Variants in OPRM1 observed in about 807,000 individuals in gnomAD.
The protein encoded by OPRM1 is mu-type opioid receptor.
In OPRM1, 27 loss-of-function variants were observed where a neutral mutation model predicts 31.8. The observed-to-expected ratio is 0.85, with a 90% CI of 0.63 to 1.17. The LOEUF is 1.17. Among genes scored for constraint, OPRM1 ranks in the 50% most tolerant of loss-of-function variants. The probability of loss-of-function intolerance (pLI) is 0.00; values close to 1 mark genes in which losing one functional copy is unlikely to be tolerated. For missense variants in OPRM1, 536 were observed against 511.1 expected, an observed-to-expected ratio of 1.05 and a Z score of -0.47; for synonymous variants, 196 against 189.9, an observed-to-expected ratio of 1.03 and a Z score of -0.26.
intron 3 of OPRM1, among the ~76,000 whole-genome samples, chr6:154,141,311 C>A (rs1490516361): frequency 2.6e-5 from 4 of 152,166 alleles, no homozygotes; most frequent in African/African-American, 9.7e-5. Flanking sequence ...GGTTAGCTTA[C>A]CCCTAAGTCT....
At position 154,115,866 on chromosome 6, in the gene OPRM1, A is replaced by G. The variant is rs534422673; in HGVS notation, c.1165-2817A>G. Among the ~76,000 whole-genome samples, 12 of 152,296 alleles carry G rather than the reference A, an allele frequency of 7.9e-5. No homozygotes were observed. In the Middle Eastern group the frequency reaches 0.02, roughly 259 times the overall value. On this transcript the variant is annotated intron_variant, in intron 3 of 3. Transcript: ENST00000330432. The stretch of plus-strand genomic sequence containing the variant: ...CCTCCCTAGGGCCCACCGTCGCTAG[A>G]TATCTGGACTGAGTTTCTTTGGCGA...
At chr6:154,038,025 A>G (rs1169927764), upstream of OPRM1, among the ~76,000 whole-genome samples, 1 of 152,194 alleles carries the variant, frequency 6.6e-6, no homozygotes, top group East Asian at 1.9e-4. Flanking sequence ...GTAACATTTT[A>G]TTGTGTAAAT....
At chr6:154,035,810 G>T (rs2128390338), upstream of OPRM1, among the ~76,000 whole-genome samples, 1 of 152,188 alleles carries the variant, frequency 6.6e-6, no homozygotes, top group Middle Eastern at 3.4e-3. Context: ...CATGATATGG[G>T]TTTGATAGCA....
At chr6:154,076,384 CAACCT>C (rs920658824) in intron 1 of OPRM1, among the ~76,000 whole-genome samples, 4 of 152,140 alleles carry the variant, frequency 2.6e-5, no homozygotes, top group African/African-American at 9.7e-5. Flanking sequence ...GAGAAAAAGA[CAACCT>C]AATAAAAATG....
At chr6:154,101,372 T>C (rs1405414646) in intron 3 of OPRM1, among the ~76,000 whole-genome samples, 1 of 152,162 alleles carries the variant, frequency 6.6e-6, no homozygotes, top group Admixed American at 6.6e-5. Flanking sequence ...AAAAACGCTC[T>C]CCTTGAGCTA....
chr6:154,241,563 T>A (rs1583885371), intron 3 of OPRM1, among the ~76,000 whole-genome samples: 1 of 152,140 alleles, frequency 6.6e-6, no homozygotes, highest in Non-Finnish European at 1.5e-5. Context: ...TATTTTAGCC[T>A]CAAATTTTTT....
intron 3 of OPRM1, among the ~76,000 whole-genome samples, chr6:154,151,709 C>G (rs538742104): frequency 1.5e-4 from 23 of 152,114 alleles, no homozygotes; most frequent in Non-Finnish European, 2.5e-4. Flanking sequence ...GGGAATTTTG[C>G]TCCTTCCCTA....
intron 1 of OPRM1, among the ~76,000 whole-genome samples, chr6:154,084,819 C>T (rs1314729821): frequency 6.6e-6 from 1 of 151,896 alleles, no homozygotes; most frequent in East Asian, 1.9e-4. Context: ...AAAAATTAGC[C>T]CCAAAAGAGA....
chr6:154,139,128 C>A (rs12528415), intron 3 of OPRM1, among the ~76,000 whole-genome samples: 26,274 of 152,230 alleles, frequency 0.17, 2,739 homozygotes, highest in Non-Finnish European at 0.24. Context: ...AAACTCTGAC[C>A]TCTGGCTTGG....
intron 1 of OPRM1, among the ~76,000 whole-genome samples, chr6:154,014,339 A>G (rs1165814664): frequency 2.6e-5 from 4 of 152,206 alleles, no homozygotes; most frequent in Non-Finnish European, 5.9e-5. Context: ...AAGCCAGTTA[A>G]GGATTATGAG....
chr6:154,222,849 T>A, intron 3 of OPRM1: 1 of 333,146 alleles, frequency 3.0e-6, no homozygotes, highest in East Asian at 5.8e-5. Context: ...TGTTTTTTCT[T>A]TAGTAGAACC....
At chr6:154,185,029 T>C (rs1482283803) in intron 3 of OPRM1, among the ~76,000 whole-genome samples, 1 of 152,180 alleles carries the variant, frequency 6.6e-6, no homozygotes, top group Non-Finnish European at 1.5e-5. Context: ...AAAAAAATCA[T>C]CCTAAAGATT....
chr6:154,061,843 T>C (rs1200864129), intron 1 of OPRM1, among the ~76,000 whole-genome samples: 2 of 151,304 alleles, frequency 1.3e-5, no homozygotes, highest in African/African-American at 4.9e-5. Context: ...AAAAAAGGTG[T>C]TAAGGAAATG....
At position 154,124,446 on chromosome 6, in the gene OPRM1, A is replaced by G. The variant is rs947384015; in HGVS notation, c.*5725A>G. On this transcript the variant is annotated 3_prime_UTR_variant, in exon 4 of 4. Transcript: ENST00000330432. ...ACTTGAAATTGCACTTAAACTTTAC[A>G]AAATCACAGAAGAAGTTGTTTTCCA... is the stretch of plus-strand genomic sequence containing the variant. 6.6e-6 allele frequency among the ~76,000 whole-genome samples: 1 copy of G among 152,194 alleles called. No individual in the cohort carries two copies. The highest frequency in any genetic ancestry group is 6.5e-5 in the Admixed American group (1 of 15,280).
chr6:154,208,576 C>CAAGTATT (rs1777698832), intron 3 of OPRM1, among the ~76,000 whole-genome samples: 1 of 152,194 alleles, frequency 6.6e-6, no homozygotes, highest in Non-Finnish European at 1.5e-5. Context: ...ACTTTATTCA[C>CAAGTATT]TGATGTGTTC....
Position 154,086,393 on chromosome 6 carries a change from G to A in OPRM1, c.291-3433G>A, listed in dbSNP as rs149140192. 4.1e-4 allele frequency: 79 copies of A among 192,778 alleles called. 1 individual carries two copies. The highest frequency in any genetic ancestry group is 1.3e-3 in the African/African-American group (55 of 42,150). 11.9% of individuals were successfully genotyped at this position (192,778 alleles called of 1,614,324 possible). On this transcript the variant is annotated intron_variant, in intron 1 of 3. Coordinates refer to ENST00000330432, the MANE Select transcript of OPRM1 (RefSeq NM_000914.5). The stretch of plus-strand genomic sequence containing the variant: ...ACAGCATCATTCCTATAAAATGCCC[G>A]TTGAAAGAATTTTTATAGATAAATA...
intron 3 of OPRM1, among the ~76,000 whole-genome samples, chr6:154,209,381 T>C (rs186741347): frequency 2.9e-3 from 436 of 152,298 alleles, no homozygotes; most frequent in Non-Finnish European, 4.4e-3. Context: ...CTGAGTGCAG[T>C]GGCTTACGCT....
intron 3 of OPRM1, among the ~76,000 whole-genome samples, chr6:154,109,184 T>A (rs893659458): frequency 6.6e-6 from 1 of 152,316 alleles, no homozygotes; most frequent in Non-Finnish European, 1.5e-5. Context: ...TTGCTCATGA[T>A]TACCCTGGGA....
chr6:154,086,910 C>A, intron 1 of OPRM1: 1 of 984,118 alleles, frequency 1.0e-6, no homozygotes, highest in Non-Finnish European at 1.2e-6. Flanking sequence ...GTTTCAACTT[C>A]TTGAGCACCA....
Sources: gnomAD v4.1 joint callset for allele counts (sites outside exome capture counted in the v4.1 genomes callset) on GRCh38, gnomAD v4.1.1 for gene constraint, MANE v1.5 for transcripts, NCBI Gene and HGNC (gene_info 2026-07-23, HGNC 2026-07-21) for gene names.